The following DNAH7 variants were observed in gnomAD, a reference collection of about 807,000 sequenced individuals.
DNAH7 encodes the protein axonemal beta dynein heavy chain 7.
A neutral mutation model predicts 444.6 loss-of-function variants in DNAH7; 397 were observed. That is an observed-to-expected ratio of 0.89 (90% confidence interval 0.82 to 0.97). The LOEUF (loss-of-function observed/expected upper bound fraction) is 0.97, where lower values mean the gene tolerates loss of function less well. Ranked by LOEUF, DNAH7 falls within the 50% of genes least tolerant of loss-of-function variation. The probability of loss-of-function intolerance (pLI) is 0.00; values close to 1 mark genes in which losing one functional copy is unlikely to be tolerated. For synonymous variants in DNAH7, 1,636 were observed against 1,624.4 expected (o/e 1.01, Z -0.17); for missense variants, 4,902 against 4,800.8 (o/e 1.02, Z -0.62).
At chr2:195,816,392 C>G (rs891368616) in intron 51 of DNAH7, among the ~76,000 whole-genome samples, 3 of 152,096 alleles carry the variant, frequency 2.0e-5, no homozygotes, top group African/African-American at 7.2e-5. Context: ...TTTTCTCTTT[C>G]TAGAATTACA....
At chr2:195,779,319 T>G (rs1280329923) in intron 58 of DNAH7, among the ~76,000 whole-genome samples, 1 of 152,226 alleles carries the variant, frequency 6.6e-6, no homozygotes, top group Non-Finnish European at 1.5e-5. Flanking sequence ...AAATGTCTAA[T>G]GATTCTTCAG....
At chr2:196,027,699 G>A (rs1695777946) in intron 6 of DNAH7, among the ~76,000 whole-genome samples, 1 of 152,056 alleles carries the variant, frequency 6.6e-6, no homozygotes, top group Admixed American at 6.6e-5. Context: ...ATTAAGGCAT[G>A]TAAAGCTATA....
intron 58 of DNAH7, 40 bp downstream of exon 58, chr2:195,786,970 A>T: frequency 6.6e-7 from 1 of 1,519,476 alleles, no homozygotes; most frequent in Non-Finnish European, 8.8e-7. Flanking sequence ...CATGATAAAG[A>T]GCAACATAGG....
intron 12 of DNAH7, among the ~76,000 whole-genome samples, chr2:196,000,499 C>T (rs1247973392): frequency 1.3e-5 from 2 of 152,120 alleles, no homozygotes; most frequent in African/African-American, 4.8e-5. Context: ...AAGTTTTTAG[C>T]TAAGTCCAAA....
chr2:196,039,812 A>G (rs1054364864), intron 5 of DNAH7, among the ~76,000 whole-genome samples: 2 of 151,900 alleles, frequency 1.3e-5, no homozygotes, highest in African/African-American at 2.4e-5. Flanking sequence ...AAGACAAAAA[A>G]AAGATTTCAA....
chr2:195,855,962 A>G lies in DNAH7; in HGVS notation c.8444T>C (p.Ile2815Thr). 6.2e-7 allele frequency: 1 copy of G among 1,612,928 alleles called. No homozygotes were observed. The highest frequency in any genetic ancestry group is 8.5e-7 in the Non-Finnish European group (1 of 1,179,584). ...CTCCCCTTCAGCTGCAGCCAGTTTT[A>G]TCTTTTTGGGAGCTACTATTTTTGC... ...KVAKIVAPKK[I>T]KLAAAEGELK... Residue 2815 changes from isoleucine to threonine, a missense_variant, in exon 45 of 65, where the codon ATA becomes ACA. Physicochemically the swap from Ile to Thr is moderately conservative, Grantham distance 89. Coordinates refer to ENST00000312428, the MANE Select transcript of DNAH7 (RefSeq NM_018897.3).
chr2:195,841,372 C>A (rs1698674434), intron 47 of DNAH7, among the ~76,000 whole-genome samples: 1 of 151,788 alleles, frequency 6.6e-6, no homozygotes, highest in Non-Finnish European at 1.5e-5. Context: ...TTTTCCCAGA[C>A]AACAGTCTTA....
chr2:195,888,531 G>A (rs545922947), intron 32 of DNAH7, 97 bp from the exon 33 acceptor site: 2 of 1,256,126 alleles, frequency 1.6e-6, no homozygotes, highest in African/African-American at 3.1e-5. Flanking sequence ...GCAAAGTCTT[G>A]GGCGGGGGGA....
chr2:195,853,967 A>T (rs1381410822), intron 45 of DNAH7, among the ~76,000 whole-genome samples: 3 of 152,276 alleles, frequency 2.0e-5, no homozygotes, highest in South Asian at 4.1e-4. Context: ...ATAATTTATG[A>T]TTATTTACAA....
chr2:195,865,137 TTAAAA>T, intron 40 of DNAH7, 116 bp from the exon 41 acceptor site: 1 of 992,026 alleles, frequency 1.0e-6, no homozygotes, highest in Non-Finnish European at 1.4e-6. Flanking sequence ...GCAGGTTTTA[TTAAAA>T]GTATATCCAA....
Position 195,897,777 on chromosome 2 carries a change from A to C in DNAH7, c.4549-12T>G, listed in dbSNP as rs766594424. 1.3e-6 allele frequency: 2 copies of C among 1,523,416 alleles called. No individual in the cohort carries two copies. The highest frequency in any genetic ancestry group is 2.4e-5 in the South Asian group (2 of 83,232). 94.4% of individuals were successfully genotyped at this position (1,523,416 alleles called of 1,614,324 possible). A position where few individuals can be genotyped will look rare whatever the true frequency, so the allele number is the denominator to read the frequency against. On this transcript the variant is annotated splice_polypyrimidine_tract_variant and intron_variant, in intron 28 of 64. Transcript: ENST00000312428. ...TTTGGATATTTCAGCTAAAAAAAAAAAAAAAAACTCATGAGGATATCTGCA... is the reference window on the plus strand; with the variant it reads ...TTTGGATATTTCAGCTAAAAAAAAACAAAAAAACTCATGAGGATATCTGCA...
intron 63 of DNAH7, among the ~76,000 whole-genome samples, chr2:195,743,442 G>A (rs558360896): frequency 2.1e-3 from 315 of 149,328 alleles, no homozygotes; most frequent in African/African-American, 7.2e-3. Context: ...CAGCACTGTA[G>A]CCTTTAGGTG....
chr2:195,978,908 G>T (rs116990078), intron 15 of DNAH7, among the ~76,000 whole-genome samples: 1 of 152,110 alleles, frequency 6.6e-6, no homozygotes, highest in Non-Finnish European at 1.5e-5. Context: ...CAACACTGGA[G>T]CACCAGGTAT....
chr2:196,039,113 T>C (rs557224019), intron 5 of DNAH7, among the ~76,000 whole-genome samples: 1 of 152,284 alleles, frequency 6.6e-6, no homozygotes, highest in Admixed American at 6.5e-5. Flanking sequence ...TACTCCAGGT[T>C]AGACCACATG....
rs755574028 is a variant in DNAH7, at chr2:195,934,614, C to G, written c.3448G>C (p.Val1150Leu). Residue 1150 changes from valine (V) to leucine (L), a missense_variant, in exon 21 of 65, where the codon GTT becomes CTT. Coordinates refer to ENST00000312428, the MANE Select transcript of DNAH7 (RefSeq NM_018897.3). Reference sequence around the variant, plus strand: ...ACCTTGTGGATGGAGTTAATCATAACTCTCTCTAATTCAACCAACCACTTC... The same window carrying G: ...ACCTTGTGGATGGAGTTAATCATAAGTCTCTCTAATTCAACCAACCACTTC... The part of the protein sequence containing the change: ...VEKWLVELER[V>L]MINSIHKVTG... 5.0e-6 allele frequency: 8 copies of G among 1,613,854 alleles called. No individual in the cohort carries two copies. In the South Asian group the frequency reaches 7.7e-5, roughly 16 times the overall value.
chr2:195,946,322 TAA>T (rs1302198545), intron 19 of DNAH7, among the ~76,000 whole-genome samples: 2 of 152,006 alleles, frequency 1.3e-5, no homozygotes, highest in East Asian at 1.9e-4. Flanking sequence ...CAGTATGGGG[TAA>T]AGAGACATAC....
At chr2:195,903,236 A>G (rs1686813331) in intron 27 of DNAH7, 1 of 150,598 alleles carries the variant, frequency 6.6e-6, no homozygotes, top group South Asian at 2.1e-4. Flanking sequence ...ACATATTGGT[A>G]CAATAAAAAA....
chr2:195,973,678 G>A (rs1254154935), intron 15 of DNAH7, among the ~76,000 whole-genome samples: 1 of 152,032 alleles, frequency 6.6e-6, no homozygotes, highest in Non-Finnish European at 1.5e-5. Flanking sequence ...CACCACGTTG[G>A]ACAGGCTGAT....
intron 31 of DNAH7, among the ~76,000 whole-genome samples, chr2:195,890,562 T>C (rs1300594301): frequency 1.3e-5 from 2 of 152,182 alleles, no homozygotes; most frequent in South Asian, 2.1e-4. Context: ...AGTGACTTCA[T>C]CTCTTATTCT....
Sources: allele counts gnomAD v4.1 joint callset (sites outside exome capture counted in the v4.1 genomes callset), GRCh38; gene constraint gnomAD v4.1.1; transcripts MANE v1.5; gene names NCBI Gene and HGNC (gene_info 2026-07-23, HGNC 2026-07-21).